KCNT2: variants seen among roughly 807,000 people sequenced by gnomAD.
KCNT2 encodes the protein potassium channel subfamily T member 2.
A neutral mutation model predicts 153.8 loss-of-function variants in KCNT2; 67 were observed. That is an observed-to-expected ratio of 0.44 (90% CI 0.36 to 0.53). The LOEUF is 0.53. Ranked by LOEUF, KCNT2 falls within the 20% of genes least tolerant of loss-of-function variation. The pLI, the probability that KCNT2 is intolerant of heterozygous loss-of-function variation, is 0.00. For missense variants in KCNT2, 975 were observed against 1,354.8 expected (o/e 0.72, Z 4.40); for synonymous variants, 500 against 458.8 (o/e 1.09, Z -1.15).
At chr1:196,284,340 T>G (rs1659450172) in intron 23 of KCNT2, among the ~76,000 whole-genome samples, 1 of 137,622 alleles carries the variant, frequency 7.3e-6, no homozygotes, top group Admixed American at 7.6e-5. Context: ...GTATCTCTAT[T>G]TATAACATAA....
chr1:196,340,578 TAA>T lies in KCNT2; in HGVS notation c.1554-10_1554-9del. ...ATCAAGCAGACGCCAAACCTTAATT[TAA>T]AAAAAAAGAGAGTTTGTAAGAAAAT... is the stretch of plus-strand genomic sequence containing the variant. On this transcript the variant is annotated splice_polypyrimidine_tract_variant and intron_variant, in intron 15 of 27. Transcript: ENST00000294725. The T allele has an allele frequency of 1.4e-6, 2 of 1,471,174 alleles. No individual in the cohort carries two copies. The highest frequency in any genetic ancestry group is 1.8e-6 in the Non-Finnish European group (2 of 1,093,310). 91.1% of individuals were successfully genotyped at this position (1,471,174 alleles called of 1,614,324 possible). A position where few individuals can be genotyped will look rare whatever the true frequency, so the allele number is the denominator to read the frequency against.
At chr1:196,454,222 AT>A (rs1676461243) in intron 8 of KCNT2, among the ~76,000 whole-genome samples, 2 of 151,914 alleles carry the variant, frequency 1.3e-5, no homozygotes. Flanking sequence ...TTTTTATATA[AT>A]TTAAACTATT....
intron 13 of KCNT2, among the ~76,000 whole-genome samples, chr1:196,378,192 G>A (rs1181405106): frequency 6.6e-6 from 1 of 152,088 alleles, no homozygotes; most frequent in South Asian, 2.1e-4. Flanking sequence ...TTCTCAATTC[G>A]TGTGCCAAAG....
At chr1:196,446,334 T>C (rs1205295271) in intron 8 of KCNT2, among the ~76,000 whole-genome samples, 6 of 151,484 alleles carry the variant, frequency 4.0e-5, no homozygotes, top group Admixed American at 1.3e-4. Flanking sequence ...TTATTCTAAT[T>C]GTCTTTATCT....
chr1:196,424,598 G>A (rs1007554300), intron 11 of KCNT2, among the ~76,000 whole-genome samples: 19 of 150,912 alleles, frequency 1.3e-4, no homozygotes, highest in African/African-American at 4.6e-4. Flanking sequence ...CCACCAAAAA[G>A]ATGAAAATAC....
At position 196,441,539 on chromosome 1, in the gene KCNT2, A is replaced by G. The variant is rs1409711244; in HGVS notation, c.639-11782T>C. 2.0e-5 allele frequency among the ~76,000 whole-genome samples: 3 copies of G among 151,498 alleles called. No homozygotes were observed. The East Asian group carries it at 5.8e-4, about 30-fold the overall frequency. ...AGTGCTAAGTGTTCTTTCTTATATTAAATATTTCAATATTGTCCACATTGT... is the reference window on the plus strand; with the variant it reads ...AGTGCTAAGTGTTCTTTCTTATATTGAATATTTCAATATTGTCCACATTGT... On this transcript the variant is annotated intron_variant, in intron 8 of 27. Transcript: ENST00000294725.
intron 1 of KCNT2, among the ~76,000 whole-genome samples, chr1:196,540,159 G>A (rs1227330136): frequency 6.6e-6 from 1 of 151,974 alleles, no homozygotes; most frequent in Admixed American, 6.6e-5. Context: ...TAGTTTTTAA[G>A]TCCAGAAAAA....
At chr1:196,346,963 T>G (rs1487256111) in intron 14 of KCNT2, among the ~76,000 whole-genome samples, 3 of 152,136 alleles carry the variant, frequency 2.0e-5, no homozygotes, top group Non-Finnish European at 4.4e-5. Context: ...TGGTAATCTA[T>G]GAGATATATG....
chr1:196,230,107 T>A (rs1301186748), intron 27 of KCNT2, among the ~76,000 whole-genome samples: 1 of 152,042 alleles, frequency 6.6e-6, no homozygotes, highest in Non-Finnish European at 1.5e-5. Context: ...TTGGAAAAAG[T>A]TGCCATCTAG....
chr1:196,405,164 AT>A (rs537279673), intron 12 of KCNT2, among the ~76,000 whole-genome samples: 4,215 of 147,762 alleles, frequency 0.029, 112 homozygotes, highest in African/African-American at 0.073. Flanking sequence ...ATTTCACTTC[AT>A]TTTTTTTTTT....
intron 12 of KCNT2, among the ~76,000 whole-genome samples, chr1:196,406,507 G>A (rs115060510): frequency 0.011 from 1,714 of 150,736 alleles, 13 homozygotes; most frequent in Non-Finnish European, 0.018. Context: ...AGGCCAACTA[G>A]TTGTAGTCTA....
At chr1:196,251,129 C>T (rs144931070) in intron 26 of KCNT2, among the ~76,000 whole-genome samples, 2 of 152,056 alleles carry the variant, frequency 1.3e-5, no homozygotes, top group Non-Finnish European at 2.9e-5. Context: ...TAGGTATATA[C>T]CCAAAAGAAA....
At chr1:196,334,094 G>T in intron 16 of KCNT2, 34 bp from the exon 17 acceptor site, 9 of 1,442,418 alleles carry the variant, frequency 6.2e-6, no homozygotes, top group South Asian at 2.3e-5. Flanking sequence ...TTATCAAGGC[G>T]TTTGCCATAT....
At chr1:196,554,379 A>C (rs998595825) in intron 1 of KCNT2, among the ~76,000 whole-genome samples, 3 of 151,284 alleles carry the variant, frequency 2.0e-5, no homozygotes, top group Non-Finnish European at 4.4e-5. Context: ...ATGATCAACT[A>C]TATGTCAACA....
chr1:196,518,754 C>T (rs1297212820), intron 1 of KCNT2, among the ~76,000 whole-genome samples: 1 of 152,058 alleles, frequency 6.6e-6, no homozygotes, highest in Non-Finnish European at 1.5e-5. Flanking sequence ...CATATGCAAC[C>T]AACACAGGAG....
chr1:196,355,184 G>A (rs1667073436), intron 14 of KCNT2, among the ~76,000 whole-genome samples: 1 of 151,004 alleles, frequency 6.6e-6, no homozygotes, highest in South Asian at 2.1e-4. Context: ...TATCTAGAAA[G>A]AAAAGTACTT....
intron 26 of KCNT2, among the ~76,000 whole-genome samples, chr1:196,255,079 G>A (rs766868250): frequency 1.3e-5 from 2 of 151,422 alleles, no homozygotes; most frequent in South Asian, 4.2e-4. Flanking sequence ...CCATTTTATG[G>A]GCTAATCATA....
chr1:196,493,887 T>C (rs561006472), intron 1 of KCNT2, among the ~76,000 whole-genome samples: 2 of 152,254 alleles, frequency 1.3e-5, no homozygotes, highest in Non-Finnish European at 2.9e-5. Context: ...CTTCACCTTA[T>C]ATATTAAATG....
At chr1:196,376,180 C>A (rs879264902) in intron 13 of KCNT2, among the ~76,000 whole-genome samples, 22 of 151,848 alleles carry the variant, frequency 1.4e-4, no homozygotes, top group Non-Finnish European at 2.8e-4. Flanking sequence ...ATTCCCCTCT[C>A]TTTCTTTTTT....
Sources: gnomAD v4.1 joint callset for allele counts (sites outside exome capture counted in the v4.1 genomes callset) on GRCh38, gnomAD v4.1.1 for gene constraint, MANE v1.5 for transcripts, NCBI Gene and HGNC (gene_info 2026-07-23, HGNC 2026-07-21) for gene names.